The following CPEB1 variants were observed in gnomAD, a reference collection of about 807,000 sequenced individuals.
CPEB1 encodes the protein cytoplasmic polyadenylation element binding protein 1, also known as cytoplasmic polyadenylation element-binding protein 1.
A neutral mutation model predicts 65.8 loss-of-function variants in CPEB1; 7 were observed. That is an observed-to-expected ratio of 0.11 (90% CI 0.06 to 0.20). The LOEUF is 0.20. Among genes scored for constraint, CPEB1 ranks in the 10% least tolerant of loss-of-function variants. The pLI, the probability that CPEB1 is intolerant of heterozygous loss-of-function variation, is 1.00. For missense variants in CPEB1, 551 were observed against 712.2 expected, an observed-to-expected ratio of 0.77 and a Z score of 2.58; for synonymous variants, 262 against 260.0, an observed-to-expected ratio of 1.01 and a Z score of -0.08.
At chr15:82,579,804 C>T (rs918054415) in intron 3 of CPEB1, among the ~76,000 whole-genome samples, 1 of 149,864 alleles carries the variant, frequency 6.7e-6, no homozygotes, top group Non-Finnish European at 1.5e-5. Flanking sequence ...CCCAGCTACT[C>T]GGGAGGCTGA....
At chr15:82,603,056 A>T (rs544782325) in intron 3 of CPEB1, among the ~76,000 whole-genome samples, 25 of 152,158 alleles carry the variant, frequency 1.6e-4, no homozygotes, top group Non-Finnish European at 3.2e-4. Context: ...AATAAAAACA[A>T]GATAGCTGAA....
At chr15:82,582,180 C>T (rs1442459221) in intron 3 of CPEB1, among the ~76,000 whole-genome samples, 2 of 152,278 alleles carry the variant, frequency 1.3e-5, no homozygotes, top group Non-Finnish European at 2.9e-5. Flanking sequence ...TCCAGTGATT[C>T]CTTCCTATTC....
rs1302451796 is a variant in CPEB1, at chr15:82,627,259, T to C, written c.205A>G (p.Asn69Asp). The change falls in exon 3 of 13, where the codon AAT becomes GAT. Residue 69 changes from asparagine (N) to aspartate (D), a missense_variant. Around this residue, in one of 6 missense-constraint regions of CPEB1, gnomAD observed 223 missense variants for 228.6 expected, o/e 0.98. Transcript: ENST00000684509. Reference protein sequence around the residue: ...IFRRINAILDNSLDFSRVCTT... With the variant: ...IFRRINAILDDSLDFSRVCTT... ...CAGACTCTACTGAAATCCAGAGAATTATCCAATATGGCATTTATCCTTCGA... is the reference window on the plus strand; with the variant it reads ...CAGACTCTACTGAAATCCAGAGAATCATCCAATATGGCATTTATCCTTCGA... 3 of 1,613,682 alleles carry C rather than the reference T, an allele frequency of 1.9e-6. No individual in the cohort carries two copies. The highest frequency in any genetic ancestry group is 1.7e-6 in the Non-Finnish European group (2 of 1,179,746).
At chr15:82,614,877 G>GTATA (rs758198258) in intron 3 of CPEB1, among the ~76,000 whole-genome samples, 68 of 126,802 alleles carry the variant, frequency 5.4e-4, no homozygotes, top group African/African-American at 1.2e-3. Flanking sequence ...GTGTGTGTGT[G>GTATA]TGTATATATA....
At chr15:82,590,402 A>T (rs2042151887) in intron 3 of CPEB1, among the ~76,000 whole-genome samples, 2 of 152,116 alleles carry the variant, frequency 1.3e-5, no homozygotes, top group African/African-American at 2.4e-5. Context: ...ACAATTTTAG[A>T]GCATTCCATC....
intron 4 of CPEB1, among the ~76,000 whole-genome samples, chr15:82,564,705 A>G (rs1468168866): frequency 6.6e-6 from 1 of 152,168 alleles, no homozygotes; most frequent in East Asian, 1.9e-4. Flanking sequence ...GACTCACCGC[A>G]TCACATCTGC....
intron 3 of CPEB1, among the ~76,000 whole-genome samples, chr15:82,581,145 G>GCATT (rs1166577535): frequency 1.3e-5 from 2 of 152,128 alleles, no homozygotes; most frequent in Non-Finnish European, 2.9e-5. Flanking sequence ...TGGCATGCAT[G>GCATT]CATTCATTCA....
intron 1 of CPEB1, among the ~76,000 whole-genome samples, chr15:82,635,957 A>C (rs1393296432): frequency 6.6e-6 from 1 of 152,162 alleles, no homozygotes; most frequent in Non-Finnish European, 1.5e-5. Context: ...GCTCACCAGG[A>C]ATAAACGAGA....
At chr15:82,553,693 G>C (rs528750700) in intron 7 of CPEB1, 137 bp from the exon 8 acceptor site, 2 of 777,294 alleles carry the variant, frequency 2.6e-6, no homozygotes, top group Non-Finnish European at 4.4e-6. Context: ...GCTGATCTCC[G>C]GTGTAAGCTC....
In CPEB1 at chr15:82,594,871, A is replaced by AG. The variant is rs201509422; in HGVS notation, c.272-23340dup. Among the ~76,000 whole-genome samples the AG allele has an allele frequency of 7.5e-3, 1,140 of 152,140 alleles. 13 individuals carry two copies. Among genetic ancestry groups the AG allele is most frequent in the Non-Finnish European group, 8.5e-3 (576 of 68,012 alleles). On this transcript the variant is annotated intron_variant, in intron 3 of 12. Transcript: ENST00000684509. ...AAAGAGGGAGGCCCAAGAAAGTGGG[A>AG]GAGAGACAGGAGAACGGCCGACTGG...
At chr15:82,630,669 A>C (rs1351434233) in intron 1 of CPEB1, among the ~76,000 whole-genome samples, 1 of 152,090 alleles carries the variant, frequency 6.6e-6, no homozygotes, top group Non-Finnish European at 1.5e-5. Context: ...CACAGACTAC[A>C]ACGTGCTGTA....
chr15:82,647,799 GT>G, upstream of CPEB1: 2 of 1,271,356 alleles, frequency 1.6e-6, no homozygotes, highest in Non-Finnish European at 2.0e-6. Flanking sequence ...CGCGCGGACC[GT>G]TAGCTACTGC....
At chr15:82,545,247 A>G (rs1341162159) in intron 12 of CPEB1, among the ~76,000 whole-genome samples, 1 of 152,204 alleles carries the variant, frequency 6.6e-6, no homozygotes, top group Non-Finnish European at 1.5e-5. Context: ...CCAGATCCAT[A>G]AAAGCCTCGT....
chr15:82,628,565 A>G lies in CPEB1; in HGVS notation c.-97-9T>C, dbSNP rs930939045. ...TTACACAGGCACTGAAACTAACGCA[A>G]ATGGTGGAATTAGGATTGGTACCAC... On this transcript the variant is annotated splice_polypyrimidine_tract_variant and intron_variant, in intron 1 of 12. Transcript: ENST00000684509. The G allele has an allele frequency of 4.7e-6, 3 of 635,362 alleles. No individual in the cohort carries two copies. The highest frequency in any genetic ancestry group is 8.4e-6 in the Non-Finnish European group (3 of 357,348). 39.4% of individuals were successfully genotyped at this position (635,362 alleles called of 1,614,324 possible).
chr15:82,553,706 G>C (rs936952357), intron 7 of CPEB1, 150 bp from the exon 8 acceptor site: 37 of 768,914 alleles, frequency 4.8e-5, no homozygotes, highest in Non-Finnish European at 8.1e-5. Flanking sequence ...GTAAGCTCCC[G>C]ACATAAGGAG....
At chr15:82,610,405 G>C (rs1231519470) in intron 3 of CPEB1, among the ~76,000 whole-genome samples, 1 of 152,004 alleles carries the variant, frequency 6.6e-6, no homozygotes. Flanking sequence ...GAGACCACAA[G>C]AAAACAAAAT....
At chr15:82,616,242 T>A (rs2151273249) in intron 3 of CPEB1, among the ~76,000 whole-genome samples, 1 of 152,280 alleles carries the variant, frequency 6.6e-6, no homozygotes, top group East Asian at 1.9e-4. Flanking sequence ...TGTGACAATT[T>A]ACCCAGTTAT....
chr15:82,627,402 T>C lies in CPEB1; in HGVS notation c.97-35A>G, dbSNP rs185189989. 4.3e-5 allele frequency: 65 copies of C among 1,524,306 alleles called. No homozygotes were observed. The African/African-American group carries it at 6.6e-4, about 15-fold the overall frequency. The allele number at this position is 1,524,306 out of a possible 1,614,324, so 94.4% of individuals were successfully genotyped here. A position where few individuals can be genotyped will look rare whatever the true frequency, so the allele number is the denominator to read the frequency against. ...GAAAAAAAAAGATATTTAGGTTTTC[T>C]ACACTCCTTTATGACCCCCTTTCTC... On this transcript the variant is annotated intron_variant, in intron 2 of 12. Transcript: ENST00000684509.
intron 3 of CPEB1, among the ~76,000 whole-genome samples, chr15:82,594,526 C>G (rs2042526835): frequency 6.6e-6 from 1 of 152,188 alleles, no homozygotes; most frequent in Non-Finnish European, 1.5e-5. Flanking sequence ...TGTGGCTGAT[C>G]TGATCTTCTA....
Sources: allele counts gnomAD v4.1 joint callset (sites outside exome capture counted in the v4.1 genomes callset), GRCh38; gene constraint gnomAD v4.1.1; regional missense constraint gnomAD v4.1.1; transcripts MANE v1.5; gene names NCBI Gene and HGNC (gene_info 2026-07-23, HGNC 2026-07-21).